DTNB: variants seen among roughly 807,000 people sequenced by gnomAD.
DTNB encodes DTN-B.
DTNB carries 63 observed loss-of-function variants against 90.7 expected under a neutral mutation model. That is an observed-to-expected ratio of 0.69 (90% CI 0.57 to 0.86). The LOEUF is 0.86. Among genes scored for constraint, DTNB ranks in the 40% least tolerant of loss-of-function variants. DTNB has a pLI of 0.00. For missense variants in DTNB, 744 were observed against 807.1 expected, an observed-to-expected ratio of 0.92 and a Z score of 0.95; for synonymous variants, 277 against 286.7, an observed-to-expected ratio of 0.97 and a Z score of 0.34.
chr2:25,667,984 A>C (rs2084892066), intron 1 of DTNB, among the ~76,000 whole-genome samples: 1 of 152,240 alleles, frequency 6.6e-6, no homozygotes, highest in Non-Finnish European at 1.5e-5. Context: ...TCACGCATGT[A>C]ATCCCAGCAC....
chr2:25,510,801 C>T (rs562205931), intron 9 of DTNB, among the ~76,000 whole-genome samples: 1 of 152,330 alleles, frequency 6.6e-6, no homozygotes, highest in African/African-American at 2.4e-5. Flanking sequence ...AGCCACCACG[C>T]CCAGCTTAAG....
chr2:25,516,337 C>T (rs1217750767), intron 9 of DTNB, among the ~76,000 whole-genome samples: 1 of 152,114 alleles, frequency 6.6e-6, no homozygotes, highest in Non-Finnish European at 1.5e-5. Flanking sequence ...GCCTCAACCT[C>T]CCAGGCTCAA....
intron 6 of DTNB, chr2:25,595,314 A>G (rs1388701407): frequency 6.6e-6 from 1 of 152,198 alleles, no homozygotes; most frequent in East Asian, 1.9e-4. Flanking sequence ...TAATTAATAA[A>G]TATCTTATGG....
chr2:25,547,137 C>A (rs979783726), intron 8 of DTNB, among the ~76,000 whole-genome samples: 4 of 152,096 alleles, frequency 2.6e-5, no homozygotes, highest in Admixed American at 6.5e-5. Flanking sequence ...CAATGAGCCA[C>A]CACACCTGGC....
At chr2:25,563,437 A>G (rs898322304) in intron 8 of DTNB, among the ~76,000 whole-genome samples, 3 of 152,166 alleles carry the variant, frequency 2.0e-5, no homozygotes, top group Non-Finnish European at 4.4e-5. Context: ...CCTTTGAAGC[A>G]CCAAAATCTT....
chr2:25,634,216 G>A (rs1319425803), intron 3 of DTNB, among the ~76,000 whole-genome samples: 9 of 101,774 alleles, frequency 8.8e-5, no homozygotes, highest in Non-Finnish European at 1.3e-4. Context: ...CCGGCCAGCC[G>A]CCCTGTCCGG....
At chr2:25,459,127 T>C (rs2150188199) in intron 10 of DTNB, among the ~76,000 whole-genome samples, 1 of 152,292 alleles carries the variant, frequency 6.6e-6, no homozygotes, top group Admixed American at 6.5e-5. Context: ...TTTCTCTTTG[T>C]TTATCCTGGC....
intron 16 of DTNB, among the ~76,000 whole-genome samples, chr2:25,410,144 C>A (rs2046233292): frequency 6.6e-6 from 1 of 152,124 alleles, no homozygotes; most frequent in African/African-American, 2.4e-5. Context: ...CCTAGGAATT[C>A]AATATTCTTC....
chr2:25,470,186 T>A (rs2062529519), intron 10 of DTNB, among the ~76,000 whole-genome samples: 2 of 152,136 alleles, frequency 1.3e-5, no homozygotes, highest in African/African-American at 2.4e-5. Flanking sequence ...AGTAGTTCTG[T>A]CATGATGGGA....
intron 8 of DTNB, among the ~76,000 whole-genome samples, chr2:25,554,602 G>A (rs1468618206): frequency 6.6e-6 from 1 of 152,144 alleles, no homozygotes; most frequent in Non-Finnish European, 1.5e-5. Context: ...TGCACCAGAA[G>A]ACTTGTACCA....
At chr2:25,392,457 AG>A (rs1419536352) in intron 16 of DTNB, among the ~76,000 whole-genome samples, 1 of 152,206 alleles carries the variant, frequency 6.6e-6, no homozygotes, top group East Asian at 1.9e-4. Context: ...TGAAACCAAA[AG>A]CTGGTTCTTT....
chr2:25,503,325 C>CA (rs988796765), intron 9 of DTNB, among the ~76,000 whole-genome samples: 57 of 148,966 alleles, frequency 3.8e-4, no homozygotes, highest in Admixed American at 1.1e-3. Flanking sequence ...TCTCTCCCTC[C>CA]AAAAAAAAAA....
chr2:25,583,145 G>A (rs1402412470), intron 6 of DTNB, among the ~76,000 whole-genome samples: 1 of 151,332 alleles, frequency 6.6e-6, no homozygotes, highest in Admixed American at 6.6e-5. Context: ...TACTTGGGAG[G>A]CTGAGACAGG....
intron 8 of DTNB, among the ~76,000 whole-genome samples, chr2:25,558,948 T>G (rs570140050): frequency 6.6e-6 from 1 of 152,064 alleles, no homozygotes; most frequent in African/African-American, 2.4e-5. Flanking sequence ...ATGGGAGAGT[T>G]TCAGAGCACT....
intron 16 of DTNB, among the ~76,000 whole-genome samples, chr2:25,410,953 A>T (rs1184442157): frequency 2.0e-4 from 29 of 144,350 alleles, no homozygotes; most frequent in Non-Finnish European, 3.6e-4. Flanking sequence ...TTTTTTTTTT[A>T]AACCCACTGT....
chr2:25,583,190 T>A (rs1263902585), intron 6 of DTNB, among the ~76,000 whole-genome samples: 1 of 144,432 alleles, frequency 6.9e-6, no homozygotes, highest in African/African-American at 2.6e-5. Flanking sequence ...AAGGTTGCAG[T>A]GAGCCAAGAT....
At chr2:25,634,243 T>G (rs1573783303) in intron 3 of DTNB, among the ~76,000 whole-genome samples, 2 of 88,682 alleles carry the variant, frequency 2.3e-5, no homozygotes, top group African/African-American at 3.9e-5. Flanking sequence ...GGTGGGGGGG[T>G]CAGCCCCCCG....
At chr2:25,526,362 A>AATATATATATATATATATAT (rs1273988960) in intron 9 of DTNB, among the ~76,000 whole-genome samples, 1 of 99,814 alleles carries the variant, frequency 1.0e-5, no homozygotes, top group African/African-American at 4.3e-5. Flanking sequence ...AATATATATA[A>AATATATATATATATATATAT]ATATATATAT....
intron 8 of DTNB, among the ~76,000 whole-genome samples, chr2:25,541,406 C>T (rs924227009): frequency 2.2e-4 from 34 of 152,004 alleles, no homozygotes; most frequent in African/African-American, 6.5e-4. Context: ...CACTTGAACC[C>T]GGGAGACGGA....
Sources: gnomAD v4.1 joint callset for allele counts (sites outside exome capture counted in the v4.1 genomes callset) on GRCh38, gnomAD v4.1.1 for gene constraint, MANE v1.5 for transcripts, NCBI Gene and HGNC (gene_info 2026-07-23, HGNC 2026-07-21) for gene names.